The following SGIP1 variants were observed in gnomAD, a reference collection of about 807,000 sequenced individuals.
The protein encoded by SGIP1 is SH3-containing GRB2-like protein 3-interacting protein 1.
A neutral mutation model predicts 107.5 loss-of-function variants in SGIP1; 38 were observed. The observed-to-expected ratio is 0.35, with a 90% CI of 0.27 to 0.46. The LOEUF is 0.46. Ranked by LOEUF, SGIP1 falls within the 20% of genes least tolerant of loss-of-function variation. The probability of loss-of-function intolerance (pLI) is 1.00; values close to 1 mark genes in which losing one functional copy is unlikely to be tolerated. For missense variants in SGIP1, 929 were observed against 1,019.5 expected, an observed-to-expected ratio of 0.91 and a Z score of 1.21; for synonymous variants, 365 against 366.1, an observed-to-expected ratio of 1.00 and a Z score of 0.03.
At chr1:66,726,787 A>T (rs1386293433) in intron 19 of SGIP1, among the ~76,000 whole-genome samples, 1 of 152,208 alleles carries the variant, frequency 6.6e-6, no homozygotes, top group East Asian at 1.9e-4. Flanking sequence ...GTAAACTCAA[A>T]GATTTTTTTT....
chr1:66,682,269 G>T lies in SGIP1; in HGVS notation c.1215G>T (p.Leu405Phe). 1 of 1,614,212 alleles carries T rather than the reference G, an allele frequency of 6.2e-7. No individual in the cohort carries two copies. The highest frequency in any genetic ancestry group is 8.5e-7 in the Non-Finnish European group (1 of 1,180,038). ...ETISSPKDFG[L>F]GQRATPPPPP... is the part of the protein sequence containing the mutation. ...TCTCATCTCCTAAAGATTTTGGGTT[G>T]GGACAAAGAGCAACTCCACCTCCCC... is the stretch of plus-strand genomic sequence containing the variant. The change falls in exon 15 of 25, where the codon TTG becomes TTT. Residue 405 changes from leucine (L) to phenylalanine (F), a missense_variant. By Grantham distance (22) the Leu-to-Phe change is conservative (BLOSUM62 0). Transcript: ENST00000371037.
chr1:66,684,143 G>A (rs540689903), intron 15 of SGIP1: 6 of 1,550,376 alleles, frequency 3.9e-6, no homozygotes, highest in Admixed American at 2.0e-5. Flanking sequence ...CAAGTAATTT[G>A]CCCAAGTTTA....
At chr1:66,590,826 C>T (rs976141187) in intron 1 of SGIP1, among the ~76,000 whole-genome samples, 1 of 151,298 alleles carries the variant, frequency 6.6e-6, no homozygotes, top group African/African-American at 2.4e-5. Context: ...CTCAAGTGAT[C>T]TGCCCCCCTC....
chr1:66,592,581 A>G (rs1381245136), intron 1 of SGIP1, among the ~76,000 whole-genome samples: 1 of 152,134 alleles, frequency 6.6e-6, no homozygotes, highest in East Asian at 1.9e-4. Context: ...ACATTTATAA[A>G]CCTACATAGA....
intron 18 of SGIP1, among the ~76,000 whole-genome samples, chr1:66,712,009 C>T (rs2092952271): frequency 6.6e-6 from 1 of 152,154 alleles, no homozygotes; most frequent in African/African-American, 2.4e-5. Flanking sequence ...CCTACACCCT[C>T]TGACACCCTC....
At chr1:66,588,558 T>A (rs990673651) in intron 1 of SGIP1, among the ~76,000 whole-genome samples, 8 of 151,858 alleles carry the variant, frequency 5.3e-5, no homozygotes, top group South Asian at 2.1e-4. Context: ...AATTACTCTA[T>A]AGTAATTTGA....
intron 1 of SGIP1, among the ~76,000 whole-genome samples, chr1:66,608,464 T>C (rs1016755192): frequency 3.9e-5 from 6 of 152,224 alleles, no homozygotes; most frequent in African/African-American, 7.2e-5. Context: ...AAAGTTACAT[T>C]TTTGTAACTA....
intron 1 of SGIP1, among the ~76,000 whole-genome samples, chr1:66,581,383 A>G (rs1367832426): frequency 6.6e-6 from 1 of 152,128 alleles, no homozygotes; most frequent in African/African-American, 2.4e-5. Flanking sequence ...TAATGAAAGT[A>G]TTTATGATGT....
chr1:66,557,200 T>TCC (rs1442648762), intron 1 of SGIP1, among the ~76,000 whole-genome samples: 1 of 152,126 alleles, frequency 6.6e-6, no homozygotes, highest in Non-Finnish European at 1.5e-5. Context: ...TAGGGATTCT[T>TCC]GTCCAATGTC....
In SGIP1 at chr1:66,741,262, T is replaced by C; in HGVS notation, c.2300-10T>C. ...TGACTGTTACCTTGTAATAATGTGT[T>C]TTTTTTTAGGGGTGGGTTCTTTGTT... On this transcript the variant is annotated splice_polypyrimidine_tract_variant and intron_variant, in intron 23 of 24. Transcript: ENST00000371037. 6.4e-7 allele frequency: 1 copy of C among 1,566,690 alleles called. No homozygotes were observed. The highest frequency in any genetic ancestry group is 8.6e-7 in the Non-Finnish European group (1 of 1,159,426).
intron 7 of SGIP1, among the ~76,000 whole-genome samples, chr1:66,651,034 C>A (rs183054037): frequency 3.3e-5 from 5 of 152,238 alleles, no homozygotes; most frequent in African/African-American, 1.2e-4. Context: ...AATAATACTG[C>A]CCACTTCATA....
At chr1:66,671,830 CT>C in intron 10 of SGIP1, 113 bp from the exon 11 acceptor site, 1 of 958,356 alleles carries the variant, frequency 1.0e-6, no homozygotes. Context: ...AGTTTTCATA[CT>C]GAGTTGCTTA....
chr1:66,613,308 C>T (rs1263611586), intron 1 of SGIP1, among the ~76,000 whole-genome samples: 1 of 151,310 alleles, frequency 6.6e-6, no homozygotes, highest in Non-Finnish European at 1.5e-5. Context: ...CTGCCCATTC[C>T]ACTTAGAACT....
At chr1:66,691,189 TA>T (rs1291373936) in intron 17 of SGIP1, among the ~76,000 whole-genome samples, 2 of 152,160 alleles carry the variant, frequency 1.3e-5, no homozygotes, top group Admixed American at 6.5e-5. Context: ...TTCCATAGTG[TA>T]AACCACCTGG....
At chr1:66,631,322 T>C (rs1309224601) in intron 2 of SGIP1, among the ~76,000 whole-genome samples, 2 of 152,174 alleles carry the variant, frequency 1.3e-5, no homozygotes, top group East Asian at 3.8e-4. Flanking sequence ...ACAAGCACTT[T>C]TGTTGGCCAA....
chr1:66,738,380 G>C (rs1047993179), intron 21 of SGIP1, among the ~76,000 whole-genome samples: 4 of 151,972 alleles, frequency 2.6e-5, no homozygotes, highest in African/African-American at 9.7e-5. Context: ...AAAATCCAAG[G>C]GCATAGACAC....
intron 21 of SGIP1, among the ~76,000 whole-genome samples, chr1:66,735,826 C>CAAAAA (rs1233871897): frequency 1.3e-5 from 1 of 79,172 alleles, no homozygotes; most frequent in Non-Finnish European, 2.6e-5. Flanking sequence ...GACTCCGTCT[C>CAAAAA]AAAAAAAAAA....
At chr1:66,673,962 C>T (rs954230866) in intron 12 of SGIP1, among the ~76,000 whole-genome samples, 4 of 151,430 alleles carry the variant, frequency 2.6e-5, no homozygotes, top group East Asian at 4.0e-4. Context: ...CCCAGGAGTT[C>T]GAGACCAGCC....
chr1:66,685,690 T>C (rs192519208), intron 15 of SGIP1, among the ~76,000 whole-genome samples: 162 of 152,344 alleles, frequency 1.1e-3, no homozygotes, highest in Non-Finnish European at 1.9e-3. Context: ...CAATGTCCAA[T>C]ACAGTAGTAC....
Sources: allele counts gnomAD v4.1 joint callset (sites outside exome capture counted in the v4.1 genomes callset), GRCh38; gene constraint gnomAD v4.1.1; transcripts MANE v1.5; gene names NCBI Gene and HGNC (gene_info 2026-07-23, HGNC 2026-07-21).